AUTS2: variants seen among roughly 807,000 people sequenced by gnomAD.
AUTS2 encodes activator of transcription and developmental regulator AUTS2.
AUTS2 carries 17 observed loss-of-function variants against 112.4 expected under a neutral mutation model. The observed-to-expected ratio is 0.15, with a 90% CI of 0.10 to 0.23. The LOEUF is 0.23. Among genes scored for constraint, AUTS2 ranks in the 10% least tolerant of loss-of-function variants. AUTS2 has a pLI of 1.00. For missense variants in AUTS2, 1,510 were observed against 1,701.6 expected (o/e 0.89, Z 1.98); for synonymous variants, 751 against 702.7 (o/e 1.07, Z -1.09).
chr7:69,935,674 G>C (rs1240403925), intron 2 of AUTS2, among the ~76,000 whole-genome samples: 1 of 152,166 alleles, frequency 6.6e-6, no homozygotes, highest in African/African-American at 2.4e-5. Flanking sequence ...AAACAGGGAA[G>C]GTAGATTTCA....
At position 70,751,765 on chromosome 7, in the gene AUTS2, G is replaced by A. The variant is rs111977511; in HGVS notation, c.743-11105G>A. ...TGACAGAATCTCACTCTGTTGCCAA[G>A]GCTGGAGTGCAGTGGGACGATCTCG... is the stretch of plus-strand genomic sequence containing the variant. On this transcript the variant is annotated intron_variant, in intron 6 of 18. Transcript: ENST00000342771. Among the ~76,000 whole-genome samples the A allele has an allele frequency of 1.0e-3, 156 of 152,300 alleles. 1 individual carries two copies. The highest frequency in any genetic ancestry group is 3.7e-3 in the African/African-American group (154 of 41,560).
At chr7:69,611,325 T>C (rs147099878) in intron 1 of AUTS2, among the ~76,000 whole-genome samples, 1 of 152,262 alleles carries the variant, frequency 6.6e-6, no homozygotes, top group East Asian at 1.9e-4. Context: ...GAGCAAATGA[T>C]AATTGCAGGT....
intron 5 of AUTS2, among the ~76,000 whole-genome samples, chr7:70,645,556 G>T (rs1175529003): frequency 6.6e-6 from 1 of 152,010 alleles, no homozygotes; most frequent in African/African-American, 2.4e-5. Flanking sequence ...TTTTCCCATA[G>T]AGTTTTCTGG....
chr7:70,130,621 CT>C (rs897522528), intron 3 of AUTS2, among the ~76,000 whole-genome samples: 8 of 151,846 alleles, frequency 5.3e-5, no homozygotes, highest in African/African-American at 1.9e-4. Flanking sequence ...GAAAGCTCTC[CT>C]TTACAATATA....
chr7:69,628,536 T>C (rs1385093045), intron 1 of AUTS2, among the ~76,000 whole-genome samples: 1 of 152,138 alleles, frequency 6.6e-6, no homozygotes, highest in Non-Finnish European at 1.5e-5. Flanking sequence ...AACTGGGTAA[T>C]TTTATAAAGA....
intron 5 of AUTS2, among the ~76,000 whole-genome samples, chr7:70,495,843 C>G (rs1460361464): frequency 1.4e-5 from 2 of 140,760 alleles, no homozygotes; most frequent in Non-Finnish European, 3.0e-5. Context: ...CCCACTCACA[C>G]CACGTACACA....
intron 4 of AUTS2, among the ~76,000 whole-genome samples, chr7:70,242,785 C>G (rs1034912881): frequency 6.7e-6 from 1 of 150,050 alleles, no homozygotes; most frequent in African/African-American, 2.4e-5. Context: ...ACTAGCTGCA[C>G]TTCCCTATGT....
intron 1 of AUTS2, among the ~76,000 whole-genome samples, chr7:69,613,739 C>G (rs1793167453): frequency 6.6e-6 from 1 of 152,142 alleles, no homozygotes; most frequent in Non-Finnish European, 1.5e-5. Context: ...CAGCACTTGT[C>G]TTGAGAATCT....
At position 70,064,006 on chromosome 7, in the gene AUTS2, A is replaced by T. The variant is rs549324248; in HGVS notation, c.523-54126A>T. 1.7e-4 allele frequency among the ~76,000 whole-genome samples: 26 copies of T among 152,322 alleles called. No individual in the cohort carries two copies. In the South Asian group the frequency reaches 5.2e-3, roughly 30 times the overall value. On this transcript the variant is annotated intron_variant, in intron 2 of 18. Coordinates refer to ENST00000342771, the MANE Select transcript of AUTS2 (RefSeq NM_015570.4). ...AATGAGCATAGTCTGTTTTCTCAGG[A>T]TCAGACTAGAAGGCGTCATTCTATT...
intron 5 of AUTS2, among the ~76,000 whole-genome samples, chr7:70,626,697 ATTG>A (rs1318951489): frequency 1.3e-5 from 2 of 151,978 alleles, no homozygotes; most frequent in African/African-American, 4.8e-5. Context: ...CCCAATGTCT[ATTG>A]TTGCCATTTT....
intron 1 of AUTS2, among the ~76,000 whole-genome samples, chr7:69,680,154 C>T (rs1796727779): frequency 6.6e-6 from 1 of 152,166 alleles, no homozygotes; most frequent in Admixed American, 6.5e-5. Context: ...CTGCCTTATA[C>T]TAAATAGAAA....
At chr7:70,269,901 C>T (rs971924922) in intron 4 of AUTS2, among the ~76,000 whole-genome samples, 1 of 152,124 alleles carries the variant, frequency 6.6e-6, no homozygotes, top group South Asian at 2.1e-4. Context: ...AGGCCAGGCA[C>T]AGCAGCTTGT....
At chr7:70,593,320 T>C (rs1381096697) in intron 5 of AUTS2, among the ~76,000 whole-genome samples, 1 of 152,228 alleles carries the variant, frequency 6.6e-6, no homozygotes, top group Non-Finnish European at 1.5e-5. Context: ...AAGTTGGTAA[T>C]ATTCCTGTTT....
At chr7:70,462,167 A>G (rs959435551) in intron 5 of AUTS2, among the ~76,000 whole-genome samples, 8 of 152,114 alleles carry the variant, frequency 5.3e-5, no homozygotes, top group East Asian at 3.9e-4. Context: ...CGGGAGAATC[A>G]CTTGAACCTG....
At chr7:70,229,449 T>C (rs1038287748) in intron 4 of AUTS2, among the ~76,000 whole-genome samples, 3 of 152,150 alleles carry the variant, frequency 2.0e-5, no homozygotes, top group Non-Finnish European at 2.9e-5. Flanking sequence ...TTATTTTGGG[T>C]GCCTTGTACA....
intron 4 of AUTS2, among the ~76,000 whole-genome samples, chr7:70,270,415 G>A (rs535814715): frequency 6.6e-6 from 1 of 152,272 alleles, no homozygotes; most frequent in Non-Finnish European, 1.5e-5. Context: ...TGGTGTGGTA[G>A]TACACGCCAA....
chr7:69,810,770 A>C (rs575074277), intron 1 of AUTS2, among the ~76,000 whole-genome samples: 5 of 152,348 alleles, frequency 3.3e-5, no homozygotes, highest in African/African-American at 1.2e-4. Context: ...TCTGACGTTG[A>C]GTAAGTCACT....
chr7:69,983,142 A>T (rs1798364587), intron 2 of AUTS2, among the ~76,000 whole-genome samples: 1 of 152,222 alleles, frequency 6.6e-6, no homozygotes, highest in Non-Finnish European at 1.5e-5. Flanking sequence ...TAAACGGAAC[A>T]TTGACATGAA....
chr7:69,988,395 A>G (rs1016260458), intron 2 of AUTS2, among the ~76,000 whole-genome samples: 5 of 152,308 alleles, frequency 3.3e-5, no homozygotes, highest in African/African-American at 1.2e-4. Context: ...GCCTCTCAGT[A>G]CATCACATTG....
Sources: gnomAD v4.1 joint callset for allele counts (sites outside exome capture counted in the v4.1 genomes callset) on GRCh38, gnomAD v4.1.1 for gene constraint, MANE v1.5 for transcripts, NCBI Gene and HGNC (gene_info 2026-07-23, HGNC 2026-07-21) for gene names.